Variants in CTNNA1 observed in about 807,000 individuals in gnomAD.
The protein encoded by CTNNA1 is catenin alpha 1, also known as catenin alpha-1.
Under a neutral mutation model 98.4 loss-of-function variants are expected in CTNNA1, and 37 were observed. That is an observed-to-expected ratio of 0.38 (90% CI 0.29 to 0.49). The LOEUF is 0.49. CTNNA1 is among the 20% of genes least tolerant of loss of function. The pLI is 0.95. For missense variants in CTNNA1, 761 were observed against 1,147.2 expected (o/e 0.66, Z 4.86); for synonymous variants, 404 against 413.2 (o/e 0.98, Z 0.27).
At chr5:138,908,880 C>T (rs1022883901) in intron 10 of CTNNA1, among the ~76,000 whole-genome samples, 4 of 152,080 alleles carry the variant, frequency 2.6e-5, no homozygotes, top group African/African-American at 4.8e-5. Context: ...CAGAGCGCCC[C>T]GGTCTCACAA....
chr5:138,753,718 A>C (rs1296579669), intron 1 of CTNNA1: 2 of 319,020 alleles, frequency 6.3e-6, no homozygotes, highest in Non-Finnish European at 1.1e-5. Flanking sequence ...GCAGGGCCCG[A>C]GTATGGGGCC....
At chr5:138,777,869 C>A (rs1295044328) in intron 1 of CTNNA1, among the ~76,000 whole-genome samples, 1 of 106,968 alleles carries the variant, frequency 9.3e-6, no homozygotes, top group African/African-American at 4.0e-5. Flanking sequence ...AGAGGGAGAC[C>A]GTGGGGAGAG....
At chr5:138,851,789 C>T (rs1763207083) in intron 7 of CTNNA1, among the ~76,000 whole-genome samples, 1 of 150,926 alleles carries the variant, frequency 6.6e-6, no homozygotes, top group Non-Finnish European at 1.5e-5. Context: ...GGCATGGTGG[C>T]TCATGCCTGT....
chr5:138,805,336 CT>C (rs1200516418), intron 3 of CTNNA1, among the ~76,000 whole-genome samples: 1 of 152,230 alleles, frequency 6.6e-6, no homozygotes. Context: ...AACTGCCAGA[CT>C]GTCTTCCAAA....
chr5:138,934,602 T>TATCA lies in CTNNA1; in HGVS notation c.*514_*517dup, dbSNP rs1554119387. 6.5e-6 allele frequency: 1 copy of TATCA among 153,444 alleles called. No individual in the cohort carries two copies. The highest frequency in any genetic ancestry group is 2.4e-5 in the African/African-American group (1 of 41,388). 9.5% of individuals were successfully genotyped at this position (153,444 alleles called of 1,614,324 possible). A position where few individuals can be genotyped will look rare whatever the true frequency, so the allele number is the denominator to read the frequency against. ...CAAACTCACTCAGTAAAACATAATGTATCATGAAGAAAACTGATTCTCTAT... is the reference window on the plus strand; with the variant it reads ...CAAACTCACTCAGTAAAACATAATGTATCAATCATGAAGAAAACTGATTCTCTAT... On this transcript the variant is annotated 3_prime_UTR_variant, in exon 18 of 18. Coordinates refer to ENST00000302763, the MANE Select transcript of CTNNA1 (RefSeq NM_001903.5).
intron 1 of CTNNA1, among the ~76,000 whole-genome samples, chr5:138,773,831 C>T (rs1176704505): frequency 2.0e-5 from 3 of 151,970 alleles, no homozygotes; most frequent in African/African-American, 7.3e-5. Context: ...CCTGCCTCAG[C>T]CTCCTGAATA....
chr5:138,772,699 TA>T (rs1055094975), intron 1 of CTNNA1, among the ~76,000 whole-genome samples: 131 of 152,224 alleles, frequency 8.6e-4, no homozygotes, highest in African/African-American at 3.0e-3. Flanking sequence ...GACCATATGC[TA>T]AACCTGAGAA....
At chr5:138,771,045 C>G (rs1753496669) in intron 1 of CTNNA1, among the ~76,000 whole-genome samples, 1 of 151,530 alleles carries the variant, frequency 6.6e-6, no homozygotes, top group East Asian at 1.9e-4. Flanking sequence ...GCTTAATTTT[C>G]TTCCTAGCTC....
At chr5:138,845,915 TTTTTTTGTTTTTTTG>T (rs146165462) in intron 7 of CTNNA1, among the ~76,000 whole-genome samples, 97,404 of 150,456 alleles carry the variant, frequency 0.65, 32,305 homozygotes, top group East Asian at 0.93. Flanking sequence ...GGGTACAGGT[TTTTTTTGTTTTTTTG>T]TTTTTTGTTT....
At chr5:138,819,506 C>G in intron 5 of CTNNA1, among the ~76,000 whole-genome samples, 1 of 152,148 alleles carries the variant, frequency 6.6e-6, no homozygotes, top group East Asian at 1.9e-4. Context: ...CCCTGGGATG[C>G]TCAGCTGGTT....
chr5:138,931,806 T>C (rs914059385), intron 16 of CTNNA1: 2 of 985,414 alleles, frequency 2.0e-6, no homozygotes, highest in Admixed American at 6.1e-5. Flanking sequence ...ATCTCCAGTA[T>C]GGTCTGCGGG....
In CTNNA1 at chr5:138,891,386, T is replaced by G. The variant is rs935665252; in HGVS notation, c.1296+3744T>G. ...TTCTCTGGCTGTTAGAGGAGGGGAG[T>G]TACAACCTCCTTTTTTTTTTGGAAC... is the stretch of plus-strand genomic sequence containing the variant. On this transcript the variant is annotated intron_variant, in intron 9 of 17. Transcript: ENST00000302763. 4.8e-5 allele frequency among the ~76,000 whole-genome samples: 7 copies of G among 146,570 alleles called. No individual in the cohort carries two copies. The South Asian group carries it at 1.1e-3, about 23-fold the overall frequency.
At chr5:138,904,946 T>A (rs906853311) in intron 10 of CTNNA1, among the ~76,000 whole-genome samples, 2 of 148,964 alleles carry the variant, frequency 1.3e-5, no homozygotes, top group African/African-American at 2.5e-5. Flanking sequence ...AAAAAAAAAT[T>A]AGGTGGGTGT....
At chr5:138,932,232 A>G in intron 16 of CTNNA1, 2 of 1,074,770 alleles carry the variant, frequency 1.9e-6, no homozygotes, top group Non-Finnish European at 2.3e-6. Context: ...CTCGAGGGGC[A>G]TGGGCCTCCA....
intron 3 of CTNNA1, among the ~76,000 whole-genome samples, chr5:138,793,148 T>C (rs1009070711): frequency 1.3e-5 from 2 of 152,264 alleles, no homozygotes. Flanking sequence ...ATTTAATCCA[T>C]TTTTTCTTGT....
At chr5:138,869,848 T>C (rs1363305776) in intron 7 of CTNNA1, 1 of 152,618 alleles carries the variant, frequency 6.6e-6, no homozygotes, top group Non-Finnish European at 1.5e-5. Context: ...CTTAAAAAAT[T>C]AGTATCTTTG....
At chr5:138,788,394 G>A (rs905628705) in intron 3 of CTNNA1, among the ~76,000 whole-genome samples, 1 of 152,090 alleles carries the variant, frequency 6.6e-6, no homozygotes, top group African/African-American at 2.4e-5. Context: ...AAATGCATGG[G>A]TAGGGGTGGA....
At chr5:138,820,839 T>C (rs1759967679) in intron 5 of CTNNA1, among the ~76,000 whole-genome samples, 1 of 152,198 alleles carries the variant, frequency 6.6e-6, no homozygotes, top group African/African-American at 2.4e-5. Flanking sequence ...CTTCACAAAA[T>C]AATGTGAGGT....
At chr5:138,799,318 G>A (rs1367505980) in intron 3 of CTNNA1, among the ~76,000 whole-genome samples, 2 of 152,046 alleles carry the variant, frequency 1.3e-5, no homozygotes, top group East Asian at 1.9e-4. Context: ...GTGCCACCAC[G>A]CCTGGCTAAT....
Sources: allele counts gnomAD v4.1 joint callset (sites outside exome capture counted in the v4.1 genomes callset), GRCh38; gene constraint gnomAD v4.1.1; transcripts MANE v1.5; gene names NCBI Gene and HGNC (gene_info 2026-07-23, HGNC 2026-07-21).